The following PNPLA7 variants were observed in gnomAD, a reference collection of about 807,000 sequenced individuals.
PNPLA7 encodes the protein patatin like domain 7, lysophospholipase.
A neutral mutation model predicts 161.7 loss-of-function variants in PNPLA7; 153 were observed. The ratio of observed to expected loss-of-function variants is 0.95; its 90% CI spans 0.83 to 1.08. PNPLA7 has a LOEUF of 1.08. Among genes scored for constraint, PNPLA7 ranks in the 50% least tolerant of loss-of-function variants. The probability of loss-of-function intolerance (pLI) is 0.00; values close to 1 mark genes in which losing one functional copy is unlikely to be tolerated. For synonymous variants in PNPLA7, 809 were observed against 782.1 expected, an observed-to-expected ratio of 1.03 and a Z score of -0.57; for missense variants, 1,739 against 1,856.6, an observed-to-expected ratio of 0.94 and a Z score of 1.16.
At chr9:137,545,743 T>C (rs868454543) in intron 4 of PNPLA7, among the ~76,000 whole-genome samples, 2 of 152,072 alleles carry the variant, frequency 1.3e-5, no homozygotes, top group East Asian at 1.9e-4. Context: ...TGAGGGGACA[T>C]AGTGAGGAGT....
intron 26 of PNPLA7, among the ~76,000 whole-genome samples, chr9:137,466,761 C>T (rs544402236): frequency 6.1e-5 from 9 of 148,748 alleles, no homozygotes; most frequent in African/African-American, 2.0e-4. Flanking sequence ...GACCCGGGCA[C>T]GGATCAGACC....
intron 19 of PNPLA7, among the ~76,000 whole-genome samples, chr9:137,494,458 C>T (rs1360801088): frequency 6.6e-6 from 1 of 152,230 alleles, no homozygotes; most frequent in Non-Finnish European, 1.5e-5. Flanking sequence ...AGGTCGTTTT[C>T]CATCCATGTG....
Position 137,543,155 on chromosome 9 carries a change from G to A in PNPLA7, c.506+277C>T, listed in dbSNP as rs1260009417. 6.6e-6 allele frequency among the ~76,000 whole-genome samples: 1 copy of A among 152,170 alleles called. No individual in the cohort carries two copies. Among genetic ancestry groups the A allele is most frequent in the Non-Finnish European group, 1.5e-5 (1 of 68,022 alleles). On this transcript the variant is annotated intron_variant, in intron 6 of 34. Transcript: ENST00000406427. The surrounding 1 kb of genome is among the most constrained non-coding windows in gnomAD (Gnocchi z 6.9). Reference sequence around the variant, plus strand: ...GACAGGAGCACAGAGCAGAACCCAGGCTCCAGGCTTTGGATCCACCACACC... The same window carrying A: ...GACAGGAGCACAGAGCAGAACCCAGACTCCAGGCTTTGGATCCACCACACC...
chr9:137,492,319 T>C (rs1043097961), intron 20 of PNPLA7: 2 of 985,006 alleles, frequency 2.0e-6, no homozygotes, highest in African/African-American at 3.5e-5. Context: ...GTTTCCTTTT[T>C]CCAATCAGCT....
chr9:137,502,280 G>T (rs2132297820), intron 14 of PNPLA7, among the ~76,000 whole-genome samples: 1 of 152,174 alleles, frequency 6.6e-6, no homozygotes, highest in South Asian at 2.1e-4. Context: ...CACCCACGAA[G>T]GTTTGAAACA....
intron 25 of PNPLA7, among the ~76,000 whole-genome samples, chr9:137,469,003 C>T (rs916106720): frequency 2.0e-5 from 3 of 152,094 alleles, no homozygotes; most frequent in African/African-American, 7.2e-5. Context: ...AAGATCGCAC[C>T]ATTGCACTCC....
intron 20 of PNPLA7, 148 bp from the exon 21 acceptor site, chr9:137,484,884 C>T: frequency 1.0e-6 from 1 of 983,970 alleles, no homozygotes; most frequent in Non-Finnish European, 1.5e-6. Flanking sequence ...CCTGAGGCTG[C>T]CTGGCCCTCC....
At position 137,460,862 on chromosome 9, in the gene PNPLA7, T is replaced by G. The variant is rs1436690614; in HGVS notation, c.3842-125A>C. 1.0e-5 allele frequency: 8 copies of G among 802,826 alleles called. No homozygotes were observed. The East Asian group carries it at 1.9e-4, about 19-fold the overall frequency. 49.7% of individuals were successfully genotyped at this position (802,826 alleles called of 1,614,324 possible). A position where few individuals can be genotyped will look rare whatever the true frequency, so the allele number is the denominator to read the frequency against. On this transcript the variant is annotated intron_variant, in intron 33 of 34. Transcript: ENST00000406427. ...CCGCCTCCAAGGTGGCCCGGGGCCC[T>G]ACACGCAGCCACCTGGTCCCAGGGC...
rs187896553 is a variant in PNPLA7 at position 137,496,927 on chromosome 9, T to G, written c.2013+260A>C. ...ACACCCAAGGCATCTGGGCCAGTGC[T>G]CCCAGATGCCAGGATAGGTGCCTGG... On this transcript the variant is annotated intron_variant, in intron 18 of 34. Transcript: ENST00000406427. 2.6e-3 allele frequency among the ~76,000 whole-genome samples: 403 copies of G among 152,172 alleles called. 1 individual carries two copies. Among genetic ancestry groups the G allele is most frequent in the African/African-American group, 9.4e-3 (391 of 41,504 alleles).
chr9:137,545,378 A>G (rs910910861), intron 4 of PNPLA7, among the ~76,000 whole-genome samples: 4 of 152,202 alleles, frequency 2.6e-5, no homozygotes, highest in Non-Finnish European at 5.9e-5. Flanking sequence ...AGAGACCTCC[A>G]AGCTTGGCAG....
chr9:137,482,976 G>A (rs1009755557), intron 21 of PNPLA7, among the ~76,000 whole-genome samples: 1 of 152,162 alleles, frequency 6.6e-6, no homozygotes, highest in Non-Finnish European at 1.5e-5. Context: ...GGGGTCAAGC[G>A]ATTCTCCTGC....
chr9:137,540,871 G>T lies in PNPLA7; in HGVS notation c.667-149C>A. On this transcript the variant is annotated intron_variant, in intron 7 of 34. Coordinates refer to ENST00000406427, the MANE Select transcript of PNPLA7 (RefSeq NM_001098537.3). The surrounding 1 kb of genome is among the most constrained non-coding windows in gnomAD (Gnocchi z 5.1). ...CAGCAGGCACCTTGGATGGAGGGCA[G>T]GGGACAAGATGGACCTGCTGGCATC... is the stretch of plus-strand genomic sequence containing the variant. The T allele has an allele frequency of 1.5e-6, 1 of 673,088 alleles. No individual in the cohort carries two copies. The highest frequency in any genetic ancestry group is 2.6e-6 in the Non-Finnish European group (1 of 380,612). 41.7% of individuals were successfully genotyped at this position (673,088 alleles called of 1,614,324 possible). A position where few individuals can be genotyped will look rare whatever the true frequency, so the allele number is the denominator to read the frequency against.
chr9:137,513,002 A>G (rs1008522192), intron 12 of PNPLA7, among the ~76,000 whole-genome samples: 2 of 151,668 alleles, frequency 1.3e-5, no homozygotes, highest in East Asian at 1.9e-4. Context: ...AAAAAAATCC[A>G]TGTAGATTCA....
chr9:137,506,206 C>T (rs1051211307), intron 12 of PNPLA7, 123 bp from the exon 13 acceptor site: 20 of 733,564 alleles, frequency 2.7e-5, no homozygotes, highest in Middle Eastern at 3.1e-4. Flanking sequence ...TCGAGGGAGT[C>T]GGGCCCTGAG....
In PNPLA7 at chr9:137,520,621, A is replaced by G. The variant is rs1205621239; in HGVS notation, c.958-578T>C. On this transcript the variant is annotated intron_variant, in intron 10 of 34. Coordinates refer to ENST00000406427, the MANE Select transcript of PNPLA7 (RefSeq NM_001098537.3). The surrounding 1 kb of genome is among the most constrained non-coding windows in gnomAD (Gnocchi z 5.2). ...CCCATGACTAAAGAGAGCCCTCCGC[A>G]TATCAGGCTACTGTTTTGGGCAGTG... is the stretch of plus-strand genomic sequence containing the variant. 2.6e-5 allele frequency among the ~76,000 whole-genome samples: 4 copies of G among 152,314 alleles called. No homozygotes were observed. Among genetic ancestry groups the G allele is most frequent in the Middle Eastern group, 6.8e-3 (2 of 294 alleles).
intron 4 of PNPLA7, among the ~76,000 whole-genome samples, chr9:137,544,120 T>A (rs1043744340): frequency 6.6e-6 from 1 of 152,138 alleles, no homozygotes; most frequent in African/African-American, 2.4e-5. Flanking sequence ...CATCTTTGGC[T>A]CTCATACTGG....
intron 12 of PNPLA7, among the ~76,000 whole-genome samples, chr9:137,511,991 T>G (rs1303708091): frequency 6.6e-6 from 1 of 152,210 alleles, no homozygotes; most frequent in Non-Finnish European, 1.5e-5. Flanking sequence ...TTGCCTTGTA[T>G]ACAATAAATA....
At chr9:137,539,091 C>T (rs1246275436) in intron 8 of PNPLA7, among the ~76,000 whole-genome samples, 6 of 151,702 alleles carry the variant, frequency 4.0e-5, no homozygotes, top group East Asian at 1.9e-4. Flanking sequence ...CAGTGGCTCA[C>T]GCCTGTAATT....
At chr9:137,460,599 G>T in intron 34 of PNPLA7, 35 bp downstream of exon 34, 1 of 1,601,712 alleles carries the variant, frequency 6.2e-7, no homozygotes, top group Non-Finnish European at 8.5e-7. Context: ...AGGCTCAGCT[G>T]TGGGCACCAG....
Sources: allele counts gnomAD v4.1 joint callset (sites outside exome capture counted in the v4.1 genomes callset), GRCh38; gene constraint gnomAD v4.1.1; non-coding constraint Gnocchi (gnomAD v3.1); transcripts MANE v1.5; gene names NCBI Gene and HGNC (gene_info 2026-07-23, HGNC 2026-07-21).